The following GRIN3A variants were observed in gnomAD, a reference collection of about 807,000 sequenced individuals.
GRIN3A encodes glutamate receptor ionotropic, NMDA 3A.
In GRIN3A, 47 loss-of-function variants were observed where a neutral mutation model predicts 92.4. The ratio of observed to expected loss-of-function variants is 0.51; its 90% confidence interval spans 0.40 to 0.65. The LOEUF is 0.65. Ranked by LOEUF, GRIN3A falls within the 30% of genes least tolerant of loss-of-function variation. GRIN3A has a pLI of 0.00. For missense variants in GRIN3A, 1,324 were observed against 1,393.1 expected, an observed-to-expected ratio of 0.95 and a Z score of 0.79; for synonymous variants, 527 against 540.6, an observed-to-expected ratio of 0.97 and a Z score of 0.35.
chr9:101,607,069 C>T (rs568366754), intron 6 of GRIN3A, among the ~76,000 whole-genome samples: 1 of 151,596 alleles, frequency 6.6e-6, no homozygotes, highest in African/African-American at 2.4e-5. Context: ...TAAAATTCCT[C>T]TTTGAAAATT....
intron 6 of GRIN3A, among the ~76,000 whole-genome samples, chr9:101,612,817 A>G (rs1168985973): frequency 6.6e-6 from 1 of 152,226 alleles, no homozygotes. Flanking sequence ...ACCACTGATT[A>G]TCTCTGGGTA....
chr9:101,619,349 A>G (rs1280371540), intron 5 of GRIN3A, among the ~76,000 whole-genome samples: 1 of 152,210 alleles, frequency 6.6e-6, no homozygotes, highest in Non-Finnish European at 1.5e-5. Context: ...TCAGCATATC[A>G]AAGTGGGGAG....
At position 101,665,043 on chromosome 9, in the gene GRIN3A, A is replaced by T. The variant is rs1419384114; in HGVS notation, c.2352+5017T>A. 3.7e-5 allele frequency among the ~76,000 whole-genome samples: 5 copies of T among 133,506 alleles called. No individual in the cohort carries two copies. The East Asian group carries it at 1.0e-3, about 27-fold the overall frequency. The allele number at this position is 133,506 out of a possible 152,430, so 87.6% of individuals were successfully genotyped here. A position where few individuals can be genotyped will look rare whatever the true frequency, so the allele number is the denominator to read the frequency against. On this transcript the variant is annotated intron_variant, in intron 3 of 8. Transcript: ENST00000361820. ...TTATAAGTGGTGTTTAGATTCCAAG[A>T]CTAATACCAAAAAAAAACAGCTTAA... is the stretch of plus-strand genomic sequence containing the variant.
In GRIN3A at chr9:101,737,472, T is replaced by C; in HGVS notation, c.508A>G (p.Ser170Gly). ...DLPLLPFSSP[S>G]SPWSSDPFSF... ...AAAGGGTCACTGCTCCATGGCGAAC[T>C]AGGGGAGGAGAAGGGCAAAAGTGGC... The change falls in exon 1 of 9, where the codon AGT (serine) becomes GGT (glycine). Residue 170 changes from serine to glycine, a missense_variant. Transcript: ENST00000361820. 2 of 1,614,200 alleles carry C rather than the reference T, an allele frequency of 1.2e-6. No individual in the cohort carries two copies. The highest frequency in any genetic ancestry group is 1.7e-6 in the Non-Finnish European group (2 of 1,180,030).
intron 3 of GRIN3A, among the ~76,000 whole-genome samples, chr9:101,669,026 C>T (rs1341129532): frequency 1.3e-5 from 2 of 152,170 alleles, no homozygotes; most frequent in African/African-American, 4.8e-5. Flanking sequence ...AAAGGCTCAG[C>T]TTAGCTTAAG....
At chr9:101,705,206 C>G (rs187444533) in intron 1 of GRIN3A, among the ~76,000 whole-genome samples, 70 of 152,200 alleles carry the variant, frequency 4.6e-4, no homozygotes, top group African/African-American at 1.6e-3. Flanking sequence ...AACCTGAGAC[C>G]TTAGCGGGCA....
chr9:101,652,340 G>A (rs1450804204), intron 3 of GRIN3A, among the ~76,000 whole-genome samples: 1 of 151,944 alleles, frequency 6.6e-6, no homozygotes, highest in Non-Finnish European at 1.5e-5. Context: ...TCTGGAAATA[G>A]GAAGGTCATC....
rs575636379 is a variant in GRIN3A, at chr9:101,735,380, C to T, written c.699+1901G>A. On this transcript the variant is annotated intron_variant, in intron 1 of 8. Transcript: ENST00000361820. The stretch of plus-strand genomic sequence containing the variant: ...CGTATTTATTTTATTGTCAGCTTGT[C>T]CCTGGAGGACTTTATCCACCCCCCA... Among the ~76,000 whole-genome samples, 3 of 149,036 alleles carry T rather than the reference C, an allele frequency of 2.0e-5. No individual in the cohort carries two copies. In the South Asian group the frequency reaches 6.3e-4, roughly 31 times the overall value.
At chr9:101,723,253 T>C (rs917779985) in intron 1 of GRIN3A, among the ~76,000 whole-genome samples, 2 of 151,928 alleles carry the variant, frequency 1.3e-5, no homozygotes, top group African/African-American at 4.8e-5. Flanking sequence ...TCGGATGTGT[T>C]AGGAGTTTCT....
At chr9:101,672,130 A>G (rs1157940089) in intron 2 of GRIN3A, among the ~76,000 whole-genome samples, 1 of 152,124 alleles carries the variant, frequency 6.6e-6, no homozygotes, top group Non-Finnish European at 1.5e-5. Flanking sequence ...ATCCACCCCC[A>G]TTTGAATATT....
chr9:101,697,198 C>G (rs985445418), intron 1 of GRIN3A, among the ~76,000 whole-genome samples: 1 of 152,058 alleles, frequency 6.6e-6, no homozygotes, highest in African/African-American at 2.4e-5. Context: ...ATTTTAACAC[C>G]TTATTTCAAA....
chr9:101,591,249 G>T (rs963745962), intron 6 of GRIN3A, among the ~76,000 whole-genome samples: 2 of 152,190 alleles, frequency 1.3e-5, no homozygotes, highest in Admixed American at 1.3e-4. Context: ...GAACCAAAGA[G>T]GTGGAGGCTG....
intron 1 of GRIN3A, among the ~76,000 whole-genome samples, chr9:101,688,938 G>T (rs1218194030): frequency 2.6e-5 from 4 of 152,132 alleles, no homozygotes; most frequent in Non-Finnish European, 4.4e-5. Context: ...AGAGAGAAAG[G>T]TCTCAAAAAC....
chr9:101,691,117 G>C (rs1303457513), intron 1 of GRIN3A, among the ~76,000 whole-genome samples: 1 of 151,994 alleles, frequency 6.6e-6, no homozygotes, highest in Non-Finnish European at 1.5e-5. Flanking sequence ...GTAATAAATT[G>C]GGTAGACAAA....
intron 6 of GRIN3A, among the ~76,000 whole-genome samples, chr9:101,587,707 T>G (rs1166474055): frequency 1.3e-5 from 2 of 152,186 alleles, no homozygotes; most frequent in Non-Finnish European, 2.9e-5. Flanking sequence ...TATCATCTCC[T>G]CTCTGGATCT....
Position 101,670,277 on chromosome 9 carries a change from T to A in GRIN3A, c.2135A>T (p.Lys712Ile), listed in dbSNP as rs1829299249. Residue 712 changes from lysine (K) to isoleucine (I), a missense_variant, in exon 3 of 9, where the codon AAA (lysine) becomes ATA (isoleucine). Physicochemically the swap from Lys to Ile is moderately radical, Grantham distance 102. Transcript: ENST00000361820. ...GLTPKGRNRS[K>I]VFSFSSALNI... is the part of the protein sequence containing the mutation. ...CAAGGCTGAAGAAAAGGAGAAGACT[T>A]TACTTCTATTTCGCCCCTTGGGAGT... The A allele has an allele frequency of 6.2e-7, 1 of 1,613,910 alleles. No individual in the cohort carries two copies. The highest frequency in any genetic ancestry group is 8.5e-7 in the Non-Finnish European group (1 of 1,179,950).
At chr9:101,676,388 T>A (rs1233634673) in intron 2 of GRIN3A, among the ~76,000 whole-genome samples, 1 of 151,966 alleles carries the variant, frequency 6.6e-6, no homozygotes, top group Non-Finnish European at 1.5e-5. Flanking sequence ...GGCCTTAAAA[T>A]TAATTTTTCC....
At chr9:101,711,372 T>C (rs909976927) in intron 1 of GRIN3A, among the ~76,000 whole-genome samples, 4 of 152,152 alleles carry the variant, frequency 2.6e-5, no homozygotes, top group African/African-American at 9.7e-5. Context: ...GTGGGAGATT[T>C]CATCATGATA....
chr9:101,599,258 A>G (rs920209695), intron 6 of GRIN3A, among the ~76,000 whole-genome samples: 3 of 152,196 alleles, frequency 2.0e-5, no homozygotes. Flanking sequence ...TGTCACAGGA[A>G]TATTGAATGG....
Sources: allele counts gnomAD v4.1 joint callset (sites outside exome capture counted in the v4.1 genomes callset), GRCh38; gene constraint gnomAD v4.1.1; transcripts MANE v1.5; gene names NCBI Gene and HGNC (gene_info 2026-07-23, HGNC 2026-07-21).